Variants in ZBTB40 observed in about 807,000 individuals in gnomAD.
ZBTB40 encodes the protein zinc finger and BTB domain containing 40, also known as zinc finger and BTB domain-containing protein 40.
Under a neutral mutation model 117.5 loss-of-function variants are expected in ZBTB40, and 60 were observed. The observed-to-expected ratio is 0.51, with a 90% CI of 0.41 to 0.63. ZBTB40 has a LOEUF of 0.63. Among genes scored for constraint, ZBTB40 ranks in the 30% least tolerant of loss-of-function variants. The pLI, the probability that ZBTB40 is intolerant of heterozygous loss-of-function variation, is 0.00. For missense variants in ZBTB40, 1,287 were observed against 1,498.5 expected (o/e 0.86, Z 2.33); for synonymous variants, 525 against 577.1 (o/e 0.91, Z 1.29).
chr1:22,494,194 A>G (rs1638711108), intron 3 of ZBTB40, among the ~76,000 whole-genome samples: 1 of 152,140 alleles, frequency 6.6e-6, no homozygotes, highest in African/African-American at 2.4e-5. Flanking sequence ...TCCTGGTGCC[A>G]TGGCCATTTA....
chr1:22,490,600 G>C lies in ZBTB40; in HGVS notation c.652G>C (p.Ala218Pro). 6.2e-7 allele frequency: 1 copy of C among 1,613,980 alleles called. No homozygotes were observed. Among genetic ancestry groups the C allele is most frequent in the South Asian group, 1.1e-5 (1 of 91,088 alleles). ...AGCTGAAGCTTGTTCCCCCTCCCCTGCTGTGCAAACCTTTAGTGAGGCAAA... is the reference window on the plus strand; with the variant it reads ...AGCTGAAGCTTGTTCCCCCTCCCCTCCTGTGCAAACCTTTAGTGAGGCAAA... ...TTAEACSPSP[A>P]VQTFSEAKKT... The change falls in exon 2 of 18, where the codon GCT becomes CCT. Residue 218 changes from alanine to proline, a missense_variant. By Grantham distance (27) the Ala-to-Pro change is conservative. Transcript: ENST00000375647.
chr1:22,443,891 G>C (rs1247004091), intron 1 of ZBTB40, among the ~76,000 whole-genome samples: 1 of 152,156 alleles, frequency 6.6e-6, no homozygotes, highest in African/African-American at 2.4e-5. Flanking sequence ...GATCAGTAGT[G>C]TATAAACTCC....
chr1:22,472,111 GA>G (rs1162329872), intron 1 of ZBTB40, among the ~76,000 whole-genome samples: 1 of 152,180 alleles, frequency 6.6e-6, no homozygotes, highest in Admixed American at 6.5e-5. Context: ...GCACAATGGG[GA>G]GGGGTACTTG....
At chr1:22,502,490 T>TA (rs751984490) in intron 5 of ZBTB40, 49 bp downstream of exon 5, 7 of 1,612,704 alleles carry the variant, frequency 4.3e-6, no homozygotes, top group Admixed American at 1.7e-5. Context: ...ATATAGCACT[T>TA]AAAAAAATGC....
intron 3 of ZBTB40, 113 bp downstream of exon 3, chr1:22,491,646 AT>A (rs75197070): frequency 0.061 from 57,711 of 950,336 alleles, 7 homozygotes; most frequent in Middle Eastern, 0.072. Flanking sequence ...TGAAACTTTA[AT>A]TTTTTTTTTT....
chr1:22,507,283 A>G (rs1639097728), intron 6 of ZBTB40, among the ~76,000 whole-genome samples: 3 of 152,200 alleles, frequency 2.0e-5, no homozygotes, highest in African/African-American at 7.2e-5. Context: ...AGTATAATAC[A>G]TGTAAAACAT....
At chr1:22,431,876 C>T (rs1640595998) in intron 1 of ZBTB40, among the ~76,000 whole-genome samples, 1 of 151,620 alleles carries the variant, frequency 6.6e-6, no homozygotes, top group Non-Finnish European at 1.5e-5. Context: ...AATATGTTTA[C>T]ATTATTCAAA....
chr1:22,453,569 G>A (rs140070452), intron 1 of ZBTB40, among the ~76,000 whole-genome samples: 170 of 152,314 alleles, frequency 1.1e-3, no homozygotes, highest in African/African-American at 3.9e-3. Flanking sequence ...TTTACTGAGT[G>A]ATTATTTTGT....
chr1:22,492,101 C>T (rs1269067201), intron 3 of ZBTB40, among the ~76,000 whole-genome samples: 1 of 152,120 alleles, frequency 6.6e-6, no homozygotes, highest in Admixed American at 6.5e-5. Flanking sequence ...ATTGTTAAGT[C>T]CTGTTTTATG....
upstream of ZBTB40, among the ~76,000 whole-genome samples, chr1:22,448,632 A>G (rs1249914080): frequency 1.3e-5 from 2 of 152,112 alleles, no homozygotes; most frequent in African/African-American, 4.8e-5. Flanking sequence ...ACGCCCTCTA[A>G]GTCTGTTTCC....
At chr1:22,452,419 C>G (rs10917233) in intron 1 of ZBTB40, among the ~76,000 whole-genome samples, 1 of 152,144 alleles carries the variant, frequency 6.6e-6, no homozygotes, top group Admixed American at 6.5e-5. Context: ...CTTCCCCTCT[C>G]GGTCTTTGTT....
intron 1 of ZBTB40, among the ~76,000 whole-genome samples, chr1:22,467,083 T>G (rs1569787804): frequency 6.6e-6 from 1 of 152,222 alleles, no homozygotes; most frequent in South Asian, 2.1e-4. Flanking sequence ...CCATTAATAC[T>G]ATTGCTGCGA....
Position 22,508,677 on chromosome 1 carries a change from C to T in ZBTB40, c.1645C>T (p.Leu549=). The change falls in exon 8 of 18, where the codon CTG becomes TTG. Residue 549 remains leucine (L), a synonymous_variant. Coordinates refer to ENST00000375647, the MANE Select transcript of ZBTB40 (RefSeq NM_014870.4). ...VQETKTCPLD[L]LMEEIRREPG... is the part of the protein sequence containing the mutation. ...GGAGACAAAGACCTGTCCATTGGAC[C>T]TGCTCATGGAGGAAATACGAAGGGA... 7 of 1,614,204 alleles carry T rather than the reference C, an allele frequency of 4.3e-6. No individual in the cohort carries two copies. Among genetic ancestry groups the T allele is most frequent in the Non-Finnish European group, 5.1e-6 (6 of 1,180,046 alleles).
intron 3 of ZBTB40, among the ~76,000 whole-genome samples, chr1:22,497,822 A>G (rs1452788166): frequency 6.6e-6 from 1 of 152,220 alleles, no homozygotes; most frequent in African/African-American, 2.4e-5. Context: ...TTTGAAGTTC[A>G]TCTAAAGTAG....
Position 22,511,803 on chromosome 1 carries a change from T to A in ZBTB40, c.2130T>A (p.Asp710Glu). 6.2e-7 allele frequency: 1 copy of A among 1,613,868 alleles called. No homozygotes were observed. Among genetic ancestry groups the A allele is most frequent in the Non-Finnish European group, 8.5e-7 (1 of 1,179,984 alleles). ...ACAGCCAGCCTGGGGAACAGAATGA[T>A]CAAGGAGAGACTGGTTCCTTGCCAG... ...KEDSQPGEQN[D>E]QGETGSLPGQ... Residue 710 changes from aspartate to glutamate, a missense_variant, in exon 11 of 18, where the codon GAT becomes GAA. By Grantham distance (45) the Asp-to-Glu change is conservative. Transcript: ENST00000375647.
intron 1 of ZBTB40, among the ~76,000 whole-genome samples, chr1:22,445,405 G>A (rs908791065): frequency 1.3e-5 from 2 of 152,112 alleles, no homozygotes; most frequent in African/African-American, 4.8e-5. Context: ...CAGGTGCAGA[G>A]GCTCACCAAA....
At position 22,513,055 on chromosome 1, in the gene ZBTB40, A is replaced by G; in HGVS notation, c.2593A>G (p.Met865Val). The change falls in exon 12 of 18, where the codon ATG becomes GTG. Residue 865 changes from methionine to valine, a missense_variant. Coordinates refer to ENST00000375647, the MANE Select transcript of ZBTB40 (RefSeq NM_014870.4). The surrounding 1 kb of genome is among the most constrained non-coding windows in gnomAD (Gnocchi z 4.9). ...LRLHTGDRPF[M>V]CKHCLMTFTQ... ...CCTTCACACCGGGGACCGCCCGTTC[A>G]TGTGCAAGCACTGCCTCATGACCTT... The G allele has an allele frequency of 6.2e-7, 1 of 1,614,204 alleles. No homozygotes were observed. The highest frequency in any genetic ancestry group is 1.3e-5 in the African/African-American group (1 of 75,046).
At chr1:22,435,961 C>T (rs1388920405) in intron 1 of ZBTB40, among the ~76,000 whole-genome samples, 8 of 151,032 alleles carry the variant, frequency 5.3e-5, no homozygotes, top group Admixed American at 4.6e-4. Flanking sequence ...CCTGTAATCC[C>T]AGCTACTTGG....
rs370533052 is a variant in ZBTB40, at chr1:22,512,151, A to G, written c.2461+17A>G. 41 of 1,612,094 alleles carry G rather than the reference A, an allele frequency of 2.5e-5. No homozygotes were observed. The highest frequency in any genetic ancestry group is 3.2e-5 in the Non-Finnish European group (38 of 1,179,836). On this transcript the variant is annotated intron_variant, in intron 11 of 17. Coordinates refer to ENST00000375647, the MANE Select transcript of ZBTB40 (RefSeq NM_014870.4). The stretch of plus-strand genomic sequence containing the variant: ...ATGCCTCAGGTACGTTCAAGAAGGC[A>G]AAGGAACAGAGGATGATAATTGTGG...
Sources: gnomAD v4.1 joint callset for allele counts (sites outside exome capture counted in the v4.1 genomes callset) on GRCh38, gnomAD v4.1.1 for gene constraint, Gnocchi (gnomAD v3.1) non-coding constraint, MANE v1.5 for transcripts, NCBI Gene and HGNC (gene_info 2026-07-23, HGNC 2026-07-21) for gene names.